The following INPP5F variants were observed in gnomAD, a reference collection of about 807,000 sequenced individuals.
INPP5F encodes the protein inositol polyphosphate-5-phosphatase F.
INPP5F carries 97 observed loss-of-function variants against 137.2 expected under a neutral mutation model. That is an observed-to-expected ratio of 0.71 (90% CI 0.60 to 0.84). The LOEUF (loss-of-function observed/expected upper bound fraction) is 0.84. Among genes scored for constraint, INPP5F ranks in the 40% least tolerant of loss-of-function variants. INPP5F has a pLI of 0.00. For synonymous variants in INPP5F, 504 were observed against 476.9 expected (o/e 1.06, Z -0.74); for missense variants, 1,271 against 1,371.9 (o/e 0.93, Z 1.16).
chr10:119,731,579 G>C (rs1013870404), intron 1 of INPP5F, among the ~76,000 whole-genome samples: 2 of 152,148 alleles, frequency 1.3e-5, no homozygotes, highest in African/African-American at 4.8e-5. Context: ...CACAAGAATC[G>C]ATTGAACCTG....
At chr10:119,826,166 TA>T (rs1851749894) in intron 19 of INPP5F, 4 of 397,368 alleles carry the variant, frequency 1.0e-5, no homozygotes, top group Non-Finnish European at 1.3e-5. Context: ...TTGCTGATTG[TA>T]CAGATGGTGG....
At chr10:119,769,731 G>T (rs1215256234) in intron 2 of INPP5F, among the ~76,000 whole-genome samples, 1 of 152,088 alleles carries the variant, frequency 6.6e-6, no homozygotes. Flanking sequence ...CTCAGATTGG[G>T]GCTTAAACCA....
In INPP5F at chr10:119,791,943, A is replaced by C. The variant is rs1290601704; in HGVS notation, c.519A>C (p.Ser173=). 1.9e-6 allele frequency: 3 copies of C among 1,614,122 alleles called. No homozygotes were observed. The highest frequency in any genetic ancestry group is 1.7e-6 in the Non-Finnish European group (2 of 1,179,970). The change falls in exon 5 of 20, where the codon TCA becomes TCC. Residue 173 remains serine (S), a synonymous_variant. Transcript: ENST00000650623. ...LEELLKMFMD[S]ESFYYSLTYD... is the part of the protein sequence containing the mutation. ...AGTTGCTGAAGATGTTCATGGACTC[A>C]GAATCCTTTTATTATAGCTTGACCT...
intron 15 of INPP5F, among the ~76,000 whole-genome samples, chr10:119,813,279 G>C (rs1380511545): frequency 6.6e-6 from 1 of 152,108 alleles, no homozygotes; most frequent in Non-Finnish European, 1.5e-5. Context: ...GTCTGGGTAA[G>C]GATGCTTTAA....
At chr10:119,781,911 A>G (rs1664793595) in intron 3 of INPP5F, 140 bp downstream of exon 3, 1 of 691,142 alleles carries the variant, frequency 1.4e-6, no homozygotes, top group African/African-American at 1.8e-5. Flanking sequence ...AAGATTTTCC[A>G]ACTTAGTAGT....
At chr10:119,797,778 T>C (rs565384158) in intron 8 of INPP5F, 138 bp downstream of exon 8, 3 of 626,578 alleles carry the variant, frequency 4.8e-6, no homozygotes, top group South Asian at 2.8e-5. Flanking sequence ...AAAAATGTAA[T>C]AGAAAGTAAT....
intron 15 of INPP5F, among the ~76,000 whole-genome samples, chr10:119,817,873 A>C (rs1357344556): frequency 6.6e-6 from 1 of 152,238 alleles, no homozygotes; most frequent in Non-Finnish European, 1.5e-5. Flanking sequence ...CTTGTTGACA[A>C]AATTAATGAC....
chr10:119,765,353 G>T (rs1364241240), intron 2 of INPP5F, among the ~76,000 whole-genome samples: 1 of 152,002 alleles, frequency 6.6e-6, no homozygotes, highest in Non-Finnish European at 1.5e-5. Flanking sequence ...AGTTTTGGGG[G>T]TGTTAAAAGT....
At chr10:119,788,706 A>G (rs992652257) in intron 3 of INPP5F, among the ~76,000 whole-genome samples, 4 of 152,344 alleles carry the variant, frequency 2.6e-5, no homozygotes, top group South Asian at 4.1e-4. Context: ...ACATGTCACA[A>G]GGTGCTAGGA....
At position 119,827,683 on chromosome 10, in the gene INPP5F, A is replaced by G; in HGVS notation, c.3302A>G (p.Gln1101Arg). The G allele has an allele frequency of 9.9e-6, 16 of 1,614,102 alleles. No individual in the cohort carries two copies. The highest frequency in any genetic ancestry group is 1.3e-5 in the Non-Finnish European group (15 of 1,179,918). The change falls in exon 20 of 20, where the codon CAG becomes CGG. Residue 1101 changes from glutamine to arginine, a missense_variant. Around this residue, in one of 6 missense-constraint regions of INPP5F, gnomAD observed 490 missense variants for 443.7 expected, o/e 1.10. Transcript: ENST00000650623. ...ATAAACTTTGCAGTGTCAAAAGTTCAGAAGAGTCCTCCAGAACCTGAAATC... is the reference window on the plus strand; with the variant it reads ...ATAAACTTTGCAGTGTCAAAAGTTCGGAAGAGTCCTCCAGAACCTGAAATC... ...HGINFAVSKV[Q>R]KSPPEPEIIN...
chr10:119,783,110 G>A (rs1330274879), intron 3 of INPP5F, among the ~76,000 whole-genome samples: 1 of 152,160 alleles, frequency 6.6e-6, no homozygotes, highest in Non-Finnish European at 1.5e-5. Flanking sequence ...CACTATTGCT[G>A]ATCGAGAGAC....
intron 1 of INPP5F, among the ~76,000 whole-genome samples, chr10:119,744,008 A>G (rs1203561017): frequency 1.3e-5 from 2 of 152,244 alleles, no homozygotes; most frequent in Non-Finnish European, 2.9e-5. Context: ...GCAGTCAGAA[A>G]AATTAGCAAG....
At position 119,726,163 on chromosome 10, in the gene INPP5F, CCGGCCGCTCCCCGAGGCGCGGGCTCTGG is replaced by C; in HGVS notation, c.-94_-67del. ...CGCTGCTTCTCGGCGCGGTTCCTAC[CCGGCCGCTCCCCGAGGCGCGGGCTCTGG>C]CGGCCTCGACCGACTAGGACGCCCC... On this transcript the variant is annotated 5_prime_UTR_variant, in exon 1 of 20. Coordinates refer to ENST00000650623, the MANE Select transcript of INPP5F (RefSeq NM_014937.4). 2.9e-6 allele frequency: 2 copies of C among 681,824 alleles called. No individual in the cohort carries two copies. Among genetic ancestry groups the C allele is most frequent in the Non-Finnish European group, 4.2e-6 (2 of 474,964 alleles). The allele number at this position is 681,824 out of a possible 1,614,324, so 42.2% of individuals were successfully genotyped here. A position where few individuals can be genotyped will look rare whatever the true frequency, so the allele number is the denominator to read the frequency against.
chr10:119,820,157 G>GTATAAATTTCTTATT lies in INPP5F; in HGVS notation c.1887-689_1887-688insTATAAATTTCTTATT, dbSNP rs1737380706. 2.0e-5 allele frequency among the ~76,000 whole-genome samples: 3 copies of GTATAAATTTCTTATT among 152,074 alleles called. No individual in the cohort carries two copies. The South Asian group carries it at 6.2e-4, about 32-fold the overall frequency. ...TTTATACTTTAAGAATTTTCTTATT[G>GTATAAATTTCTTATT]GTAATTTTACAAGGATGTACATTTT... On this transcript the variant is annotated intron_variant, in intron 15 of 19. Transcript: ENST00000650623.
intron 1 of INPP5F, among the ~76,000 whole-genome samples, chr10:119,746,783 A>AT (rs35906079): frequency 0.045 from 6,405 of 142,732 alleles, 216 homozygotes; most frequent in South Asian, 0.21. Context: ...AAGCAGCCAA[A>AT]TTTTTTTTTT....
chr10:119,795,118 C>T (rs1381596308), intron 6 of INPP5F, among the ~76,000 whole-genome samples: 1 of 146,158 alleles, frequency 6.8e-6, no homozygotes, highest in Non-Finnish European at 1.5e-5. Context: ...GGCGGCTGGC[C>T]GGGCGGGGGG....
At chr10:119,778,047 C>T (rs1849581973) in intron 2 of INPP5F, among the ~76,000 whole-genome samples, 1 of 152,044 alleles carries the variant, frequency 6.6e-6, no homozygotes, top group Admixed American at 6.6e-5. Context: ...CACTCTCTTG[C>T]CCAGGCTGGA....
intron 15 of INPP5F, among the ~76,000 whole-genome samples, chr10:119,818,113 G>A (rs1851359870): frequency 6.6e-6 from 1 of 152,264 alleles, no homozygotes; most frequent in African/African-American, 2.4e-5. Context: ...CTTCTCCCAT[G>A]CAAGGCTGAG....
chr10:119,798,428 CTT>C (rs35547475), intron 8 of INPP5F, 113 bp from the exon 9 acceptor site: 254,965 of 697,482 alleles, frequency 0.37, 48,016 homozygotes, highest in South Asian at 0.42. Context: ...TTTAGACAAT[CTT>C]AGTTCATTTG....
Sources: gnomAD v4.1 joint callset for allele counts (sites outside exome capture counted in the v4.1 genomes callset) on GRCh38, gnomAD v4.1.1 for gene constraint, gnomAD v4.1.1 regional missense constraint, MANE v1.5 for transcripts, NCBI Gene and HGNC (gene_info 2026-07-23, HGNC 2026-07-21) for gene names.